The following PCNX1 variants were observed in gnomAD, a reference collection of about 807,000 sequenced individuals.
PCNX1 encodes pecanex 1, also known as pecanex-like protein 1.
In PCNX1, 78 loss-of-function variants were observed where a neutral mutation model predicts 242.2. The ratio of observed to expected loss-of-function variants is 0.32; its 90% CI spans 0.27 to 0.39. The LOEUF is 0.39. PCNX1 is among the 10% of genes least tolerant of loss of function. The probability of loss-of-function intolerance (pLI) is 1.00; values close to 1 mark genes in which losing one functional copy is unlikely to be tolerated. For missense variants in PCNX1, 2,581 were observed against 2,856.5 expected, an observed-to-expected ratio of 0.90 and a Z score of 2.20; for synonymous variants, 1,024 against 1,032.9, an observed-to-expected ratio of 0.99 and a Z score of 0.17.
intron 1 of PCNX1, among the ~76,000 whole-genome samples, chr14:70,942,260 AAG>A (rs2140263477): frequency 6.6e-6 from 1 of 152,338 alleles, no homozygotes; most frequent in Non-Finnish European, 1.5e-5. Context: ...TCTTACAACT[AAG>A]AATTTTAAAC....
intron 1 of PCNX1, among the ~76,000 whole-genome samples, chr14:70,927,412 T>C (rs1044486781): frequency 2.6e-5 from 4 of 152,160 alleles, no homozygotes; most frequent in Non-Finnish European, 4.4e-5. Context: ...TGTTTAAAGG[T>C]AGAAATGGAT....
intron 22 of PCNX1, 52 bp downstream of exon 22, chr14:71,048,036 G>T (rs2060913988): frequency 7.6e-7 from 1 of 1,308,434 alleles, no homozygotes; most frequent in Admixed American, 2.1e-5. Flanking sequence ...ATCTCCCTGG[G>T]TTATATGCTA....
rs1390252483 is a variant in PCNX1, at chr14:71,046,960, T to G, written c.4019-4T>G. Reference sequence around the variant, plus strand: ...TGTAGTCTTGATTTATACTGCCTTGTTAGATGCAGCCACTATGATGTGGTT... The same window carrying G: ...TGTAGTCTTGATTTATACTGCCTTGGTAGATGCAGCCACTATGATGTGGTT... On this transcript the variant is annotated splice_region_variant and splice_polypyrimidine_tract_variant and intron_variant, in intron 20 of 35. Coordinates refer to ENST00000304743, the MANE Select transcript of PCNX1 (RefSeq NM_014982.3). The G allele has an allele frequency of 3.1e-6, 5 of 1,604,312 alleles. No homozygotes were observed. In the Admixed American group the frequency reaches 5.1e-5, roughly 16 times the overall value.
intron 28 of PCNX1, among the ~76,000 whole-genome samples, chr14:71,086,724 T>G (rs2062001565): frequency 6.6e-6 from 1 of 152,240 alleles, no homozygotes; most frequent in African/African-American, 2.4e-5. Context: ...AGTAGCTCTC[T>G]CTAGCACTCT....
chr14:70,976,353 G>GCTCTTTCT (rs1276074302), intron 5 of PCNX1, among the ~76,000 whole-genome samples: 2 of 143,668 alleles, frequency 1.4e-5, no homozygotes, highest in South Asian at 4.4e-4. Context: ...GTCCTTTGTT[G>GCTCTTTCT]CTCTTTCTTT....
At chr14:71,023,173 T>C (rs755193165) in intron 12 of PCNX1, 27 bp from the exon 13 acceptor site, 5 of 1,586,906 alleles carry the variant, frequency 3.2e-6, no homozygotes, top group Non-Finnish European at 4.3e-6. Context: ...TTCAGGAGTG[T>C]AATTTGTCTT....
At chr14:71,026,066 T>C (rs1315154784) in intron 13 of PCNX1, 51 bp from the exon 14 acceptor site, 2 of 1,235,246 alleles carry the variant, frequency 1.6e-6, no homozygotes, top group Non-Finnish European at 1.1e-6. Context: ...CAGTAGTTAT[T>C]TGTGACTCTT....
intron 1 of PCNX1, among the ~76,000 whole-genome samples, chr14:70,915,607 T>TA (rs2056122757): frequency 6.6e-6 from 1 of 152,188 alleles, no homozygotes; most frequent in South Asian, 2.1e-4. Context: ...TCATATGTGT[T>TA]ACAGTTTAAT....
chr14:70,941,108 C>A (rs1290742429), intron 1 of PCNX1, among the ~76,000 whole-genome samples: 5 of 152,290 alleles, frequency 3.3e-5, no homozygotes, highest in South Asian at 4.1e-4. Context: ...TATTACTGAT[C>A]TTTTGAAGCC....
intron 2 of PCNX1, among the ~76,000 whole-genome samples, chr14:70,947,698 A>G (rs760788857): frequency 1.3e-5 from 2 of 152,200 alleles, no homozygotes; most frequent in African/African-American, 2.4e-5. Flanking sequence ...TGTTTGAGCA[A>G]TATGAAATCT....
chr14:70,948,882 T>G (rs2057592438), intron 2 of PCNX1, among the ~76,000 whole-genome samples: 1 of 148,734 alleles, frequency 6.7e-6, no homozygotes, highest in South Asian at 2.1e-4. Flanking sequence ...TATAGATATG[T>G]GTATATATAC....
At chr14:70,931,172 C>A (rs1201454893) in intron 1 of PCNX1, among the ~76,000 whole-genome samples, 1 of 152,094 alleles carries the variant, frequency 6.6e-6, no homozygotes, top group Non-Finnish European at 1.5e-5. Flanking sequence ...GCAAACACTG[C>A]AGGAATTAAC....
chr14:70,922,078 T>G (rs1442627100), intron 1 of PCNX1, among the ~76,000 whole-genome samples: 1 of 152,164 alleles, frequency 6.6e-6, no homozygotes, highest in South Asian at 2.1e-4. Flanking sequence ...TCATCTCCCT[T>G]TTTCAGCACT....
intron 16 of PCNX1, chr14:71,031,752 A>C (rs952274614): frequency 1.0e-5 from 13 of 1,273,540 alleles, no homozygotes; most frequent in Admixed American, 3.4e-5. Flanking sequence ...CATCAACGAC[A>C]TTTTTGGGAA....
chr14:71,018,975 A>C (rs1859914), intron 11 of PCNX1, 34 bp from the exon 12 acceptor site: 76 of 1,569,746 alleles, frequency 4.8e-5, no homozygotes, highest in East Asian at 6.8e-5. Flanking sequence ...CTTATACTTA[A>C]GATATACTTA....
At chr14:71,101,887 TA>T (rs1566805387) in intron 30 of PCNX1, 102 bp from the exon 31 acceptor site, 1 of 582,358 alleles carries the variant, frequency 1.7e-6, no homozygotes, top group African/African-American at 1.9e-5. Context: ...TGTGTTGAAA[TA>T]TTCATAATAA....
chr14:70,981,239 G>T (rs941348006), intron 6 of PCNX1, among the ~76,000 whole-genome samples: 3 of 152,092 alleles, frequency 2.0e-5, no homozygotes, highest in African/African-American at 7.2e-5. Flanking sequence ...ACTGTTCAAG[G>T]CCAGTTAGTT....
At chr14:70,923,664 C>T (rs2056464872) in intron 1 of PCNX1, among the ~76,000 whole-genome samples, 1 of 152,090 alleles carries the variant, frequency 6.6e-6, no homozygotes, top group South Asian at 2.1e-4. Flanking sequence ...ACTGGCTTCC[C>T]CACCCCCCAC....
At position 71,011,536 on chromosome 14, in the gene PCNX1, A is replaced by T. The variant is rs1380205600; in HGVS notation, c.2765A>T (p.Tyr922Phe). Residue 922 changes from tyrosine (Y) to phenylalanine (F), a missense_variant, in exon 10 of 36, where the codon TAT becomes TTT. This residue lies in a region of PCNX1 where 1,204 missense variants were observed against 1,216.7 expected (regional missense o/e 0.99). Transcript: ENST00000304743. ...TCCAGTTCTACCTCAGTTCGATTTT[A>T]TCCACATGATGTGGTAGGTTTTTCT... The part of the protein sequence containing the change: ...HVSSSTSVRF[Y>F]PHDVLSLPQI... 6.5e-7 allele frequency: 1 copy of T among 1,549,722 alleles called. No individual in the cohort carries two copies. Among genetic ancestry groups the T allele is most frequent in the Admixed American group, 1.7e-5 (1 of 59,128 alleles).
Sources: allele counts gnomAD v4.1 joint callset (sites outside exome capture counted in the v4.1 genomes callset), GRCh38; gene constraint gnomAD v4.1.1; regional missense constraint gnomAD v4.1.1; transcripts MANE v1.5; gene names NCBI Gene and HGNC (gene_info 2026-07-23, HGNC 2026-07-21).